RBFOX1: variants seen among roughly 807,000 people sequenced by gnomAD.
RBFOX1 encodes the protein RNA binding fox-1 homolog 1.
A neutral mutation model predicts 57.7 loss-of-function variants in RBFOX1; 8 were observed. That is an observed-to-expected ratio of 0.14 (90% CI 0.08 to 0.25). The LOEUF (loss-of-function observed/expected upper bound fraction) is 0.25. RBFOX1 is among the 10% of genes least tolerant of loss of function. The pLI is 1.00. For synonymous variants in RBFOX1, 326 were observed against 222.4 expected (o/e 1.47, Z -4.15); for missense variants, 611 against 548.5 (o/e 1.11, Z -1.14).
intron 3 of RBFOX1, among the ~76,000 whole-genome samples, chr16:6,888,828 C>G (rs2064754151): frequency 1.3e-5 from 2 of 152,278 alleles, no homozygotes; most frequent in South Asian, 4.1e-4. Flanking sequence ...CTTATTGCTT[C>G]TAACTATATT....
intron 3 of RBFOX1, among the ~76,000 whole-genome samples, chr16:5,804,676 G>A (rs146727800): frequency 4.7e-4 from 71 of 152,230 alleles, no homozygotes; most frequent in African/African-American, 1.7e-3. Flanking sequence ...TGAAAGCCTG[G>A]TCCTAATTAA....
Position 6,912,200 on chromosome 16 carries a change from G to C in RBFOX1, c.-15-139857G>C, listed in dbSNP as rs114264029. Among the ~76,000 whole-genome samples the C allele has an allele frequency of 2.6e-3, 397 of 152,312 alleles. 2 individuals carry two copies. Among genetic ancestry groups the C allele is most frequent in the African/African-American group, 9.0e-3 (376 of 41,562 alleles). On this transcript the variant is annotated intron_variant, in intron 3 of 15. Transcript: ENST00000550418. ...AATCTGAAACTTAAATTCCCACGTGGAGTAATTTCTCTAATGTGGAGTTTC... is the reference window on the plus strand; with the variant it reads ...AATCTGAAACTTAAATTCCCACGTGCAGTAATTTCTCTAATGTGGAGTTTC...
At chr16:5,908,573 G>C (rs765070183) in intron 4 of RBFOX1, among the ~76,000 whole-genome samples, 6 of 151,784 alleles carry the variant, frequency 4.0e-5, no homozygotes, top group Admixed American at 2.0e-4. Flanking sequence ...GGCTGGTCTC[G>C]AACTCCTGAC....
At chr16:6,924,062 C>T (rs901811604) in intron 3 of RBFOX1, among the ~76,000 whole-genome samples, 4 of 151,750 alleles carry the variant, frequency 2.6e-5, no homozygotes, top group African/African-American at 7.3e-5. Flanking sequence ...CCCAGCTTCT[C>T]GGGAGACTGA....
chr16:6,212,075 C>G (rs1191299644), intron 1 of RBFOX1, among the ~76,000 whole-genome samples: 1 of 152,004 alleles, frequency 6.6e-6, no homozygotes, highest in Admixed American at 6.6e-5. Flanking sequence ...CCAGGCTAGT[C>G]TTGAACTCTT....
chr16:7,192,099 G>C (rs1177050006), intron 4 of RBFOX1, among the ~76,000 whole-genome samples: 1 of 152,080 alleles, frequency 6.6e-6, no homozygotes, highest in African/African-American at 2.4e-5. Flanking sequence ...ACCAGAGAAA[G>C]GGGGATAAAA....
intron 4 of RBFOX1, among the ~76,000 whole-genome samples, chr16:7,352,486 G>T (rs150666228): frequency 6.6e-6 from 1 of 152,152 alleles, no homozygotes; most frequent in Admixed American, 6.5e-5. Context: ...GTAAGAATCT[G>T]TCACCACTAA....
At chr16:7,331,632 T>C (rs904077800) in intron 4 of RBFOX1, among the ~76,000 whole-genome samples, 12 of 152,150 alleles carry the variant, frequency 7.9e-5, no homozygotes, top group African/African-American at 2.9e-4. Context: ...CATCATGTTA[T>C]GGTTCTAGGA....
At chr16:7,411,502 T>A (rs11647123) in intron 4 of RBFOX1, among the ~76,000 whole-genome samples, 16,461 of 152,220 alleles carry the variant, frequency 0.11, 1,044 homozygotes, top group African/African-American at 0.17. Context: ...GGAATAACTC[T>A]TTTCTTCCCC....
chr16:7,085,579 G>T (rs1166633349), intron 4 of RBFOX1, among the ~76,000 whole-genome samples: 2 of 152,048 alleles, frequency 1.3e-5, no homozygotes, highest in East Asian at 3.9e-4. Context: ...TGGAATCAAT[G>T]AATGAACATA....
intron 3 of RBFOX1, among the ~76,000 whole-genome samples, chr16:5,623,553 C>G (rs1354076736): frequency 6.7e-6 from 1 of 150,074 alleles, no homozygotes; most frequent in Non-Finnish European, 1.5e-5. Flanking sequence ...TGCAGGTGGC[C>G]GGAGGACCAC....
At chr16:6,629,830 G>A (rs942752806) in intron 2 of RBFOX1, among the ~76,000 whole-genome samples, 1 of 151,972 alleles carries the variant, frequency 6.6e-6, no homozygotes. Flanking sequence ...TTAATCAGAC[G>A]TTTTATTTTT....
chr16:7,054,225 GC>G lies in RBFOX1; in HGVS notation c.27+2128del, dbSNP rs370480906. Among the ~76,000 whole-genome samples the G allele has an allele frequency of 2.4e-3, 143 of 58,606 alleles. 1 individual carries two copies. The highest frequency in any genetic ancestry group is 5.1e-3 in the South Asian group (5 of 982). The allele number at this position is 58,606 out of a possible 152,430, so 38.4% of individuals were successfully genotyped here. A position where few individuals can be genotyped will look rare whatever the true frequency, so the allele number is the denominator to read the frequency against. On this transcript the variant is annotated intron_variant, in intron 4 of 15. Transcript: ENST00000550418. Reference sequence around the variant, plus strand: ...TGATTTTTTTTTTCGGGGGGGGGGGGCGGGGAGCTTTTTTTTTTTTTTTTTT... The same window carrying G: ...TGATTTTTTTTTTCGGGGGGGGGGGGGGGGAGCTTTTTTTTTTTTTTTTTT...
At chr16:7,034,637 C>A (rs1019944385) in intron 3 of RBFOX1, among the ~76,000 whole-genome samples, 1 of 151,672 alleles carries the variant, frequency 6.6e-6, no homozygotes. Flanking sequence ...ATTGAAGACA[C>A]ATCAGTGAGG....
intron 2 of RBFOX1, among the ~76,000 whole-genome samples, chr16:6,602,212 C>T (rs145384049): frequency 8.3e-4 from 126 of 152,146 alleles, no homozygotes; most frequent in African/African-American, 2.9e-3. Flanking sequence ...TATACATTCT[C>T]GGTATTCATT....
chr16:6,767,947 TAAGAAGAA>T (rs2077619447), intron 3 of RBFOX1, among the ~76,000 whole-genome samples: 1 of 101,048 alleles, frequency 9.9e-6, no homozygotes, highest in African/African-American at 4.3e-5. Context: ...ATAATAATAA[TAAGAAGAA>T]GAAGAAGAAG....
rs151109358 is a variant in RBFOX1 at position 7,348,933 on chromosome 16, C to G, written c.28-169214C>G. 1.2e-4 allele frequency among the ~76,000 whole-genome samples: 19 copies of G among 152,212 alleles called. No individual in the cohort carries two copies. The East Asian group carries it at 3.3e-3, about 26-fold the overall frequency. On this transcript the variant is annotated intron_variant, in intron 4 of 15. Coordinates refer to ENST00000550418, the MANE Select transcript of RBFOX1 (RefSeq NM_018723.4). ...CTCCAGCCTGGGTGACACAGCGAGA[C>G]TCCACCTCAAAGAAAAAAAGAATGA...
chr16:7,227,822 G>C lies in RBFOX1; in HGVS notation c.27+175724G>C, dbSNP rs540693674. On this transcript the variant is annotated intron_variant, in intron 4 of 15. Coordinates refer to ENST00000550418, the MANE Select transcript of RBFOX1 (RefSeq NM_018723.4). ...CCTCATCACGGCAGCTGCATGTGTG[G>C]GTAAGCCCACGGTGATGATGACTTC... Among the ~76,000 whole-genome samples the C allele has an allele frequency of 1.7e-3, 253 of 152,292 alleles. 3 individuals are homozygous for C. Among genetic ancestry groups the C allele is most frequent in the Non-Finnish European group, 2.9e-3 (197 of 68,026 alleles).
chr16:6,418,438 G>A (rs1385351304), intron 2 of RBFOX1, among the ~76,000 whole-genome samples: 2 of 152,016 alleles, frequency 1.3e-5, no homozygotes, highest in African/African-American at 4.8e-5. Flanking sequence ...TGAGAAATGG[G>A]GGTGCATTAT....
Sources: gnomAD v4.1 joint callset for allele counts (sites outside exome capture counted in the v4.1 genomes callset) on GRCh38, gnomAD v4.1.1 for gene constraint, MANE v1.5 for transcripts, NCBI Gene and HGNC (gene_info 2026-07-23, HGNC 2026-07-21) for gene names.